ITGA2: variants seen among roughly 807,000 people sequenced by gnomAD.
ITGA2 encodes the protein integrin subunit alpha 2.
ITGA2 carries 101 observed loss-of-function variants against 146.3 expected under a neutral mutation model. The observed-to-expected ratio is 0.69, with a 90% confidence interval of 0.59 to 0.81. The LOEUF (loss-of-function observed/expected upper bound fraction) is 0.81. ITGA2 is among the 40% of genes least tolerant of loss of function. The probability of loss-of-function intolerance (pLI) is 0.00; values close to 1 mark genes in which losing one functional copy is unlikely to be tolerated. For missense variants in ITGA2, 1,281 were observed against 1,402.7 expected (o/e 0.91, Z 1.39); for synonymous variants, 477 against 487.1 (o/e 0.98, Z 0.27).
At chr5:53,029,611 G>A (rs1207283613) in intron 2 of ITGA2, among the ~76,000 whole-genome samples, 1 of 152,158 alleles carries the variant, frequency 6.6e-6, no homozygotes, top group Non-Finnish European at 1.5e-5. Flanking sequence ...AGTCACTCCA[G>A]CCTTACAGGT....
At chr5:53,063,121 T>G (rs1016499746) in intron 13 of ITGA2, among the ~76,000 whole-genome samples, 192 bp downstream of exon 13, 18 of 151,892 alleles carry the variant, frequency 1.2e-4, no homozygotes, top group African/African-American at 4.3e-4. Flanking sequence ...AAACTAGAGT[T>G]GAATGTATAG....
intron 2 of ITGA2, among the ~76,000 whole-genome samples, chr5:53,033,223 C>G (rs915065127): frequency 6.6e-6 from 1 of 152,004 alleles, no homozygotes; most frequent in Non-Finnish European, 1.5e-5. Context: ...GAGCTGAGAT[C>G]ATACCACTGC....
intron 10 of ITGA2, among the ~76,000 whole-genome samples, chr5:53,059,251 C>T (rs952939405): frequency 3.9e-5 from 6 of 151,904 alleles, no homozygotes; most frequent in African/African-American, 1.2e-4. Context: ...GGTTATTTTC[C>T]TTCCAATAGA....
rs368976329 is a variant in ITGA2 at position 53,036,291 on chromosome 5, TA to T, written c.186-5820del. ...AACAGTGTGGCCTTCAAAATTCTTC[TA>T]CAATATGTCAGATCACATCATGCTG... On this transcript the variant is annotated intron_variant, in intron 2 of 29. Coordinates refer to ENST00000296585, the MANE Select transcript of ITGA2 (RefSeq NM_002203.4). 9.7e-4 allele frequency among the ~76,000 whole-genome samples: 147 copies of T among 152,308 alleles called. 1 individual carries two copies. The highest frequency in any genetic ancestry group is 3.4e-3 in the African/African-American group (141 of 41,564).
At position 52,989,428 on chromosome 5, in the gene ITGA2, T is replaced by A; in HGVS notation, c.-41T>A. The A allele has an allele frequency of 6.2e-7, 1 of 1,611,180 alleles. No homozygotes were observed. Among genetic ancestry groups the A allele is most frequent in the Non-Finnish European group, 8.5e-7 (1 of 1,177,300 alleles). On this transcript the variant is annotated 5_prime_UTR_variant, in exon 1 of 30. Coordinates refer to ENST00000296585, the MANE Select transcript of ITGA2 (RefSeq NM_002203.4). Reference sequence around the variant, plus strand: ...GCCAAGGGTATCCTCTGCAAACCTCTGCAAACCCAGCGCAACTACGGTCCC... The same window carrying A: ...GCCAAGGGTATCCTCTGCAAACCTCAGCAAACCCAGCGCAACTACGGTCCC...
chr5:53,091,099 T>G lies in ITGA2; in HGVS notation c.*500T>G. On this transcript the variant is annotated 3_prime_UTR_variant, in exon 30 of 30. Transcript: ENST00000296585. ...CAAGAGGGGAAAACAAAACACAGGTTTTTTCAATTTATGCTGCTCATCCAA... is the reference window on the plus strand; with the variant it reads ...CAAGAGGGGAAAACAAAACACAGGTGTTTTCAATTTATGCTGCTCATCCAA... The G allele has an allele frequency of 4.8e-6, 1 of 206,490 alleles. No homozygotes were observed. The highest frequency in any genetic ancestry group is 1.6e-4 in the South Asian group (1 of 6,358). The allele number at this position is 206,490 out of a possible 1,614,324, so 12.8% of individuals were successfully genotyped here.
At chr5:52,998,639 T>G (rs1469502272) in intron 1 of ITGA2, among the ~76,000 whole-genome samples, 1 of 152,152 alleles carries the variant, frequency 6.6e-6, no homozygotes, top group African/African-American at 2.4e-5. Flanking sequence ...TCTAATTCAA[T>G]TTAGGTATCA....
At chr5:53,056,247 T>C (rs373335943) in intron 9 of ITGA2, 98 bp downstream of exon 9, 2 of 1,064,090 alleles carry the variant, frequency 1.9e-6, no homozygotes, top group East Asian at 2.5e-5. Flanking sequence ...TTGTATACCA[T>C]GTATAAAAAG....
intron 8 of ITGA2, 92 bp downstream of exon 8, chr5:53,055,780 G>T (rs1163317363): frequency 6.9e-7 from 1 of 1,450,360 alleles, no homozygotes; most frequent in Non-Finnish European, 9.7e-7. Context: ...CCCATTGGCT[G>T]TTCATAGTTG....
intron 20 of ITGA2, among the ~76,000 whole-genome samples, chr5:53,073,815 C>T (rs1336628142): frequency 1.3e-5 from 2 of 151,610 alleles, no homozygotes; most frequent in Non-Finnish European, 2.9e-5. Context: ...ACAATGATTT[C>T]ATTTAATTTA....
intron 20 of ITGA2, among the ~76,000 whole-genome samples, chr5:53,073,691 C>A (rs1745509551): frequency 6.6e-6 from 1 of 151,848 alleles, no homozygotes; most frequent in Admixed American, 6.6e-5. Context: ...ATACCAGGAG[C>A]ACACTTGACT....
At chr5:53,064,069 A>G (rs1745029718) in intron 13 of ITGA2, among the ~76,000 whole-genome samples, 1 of 151,956 alleles carries the variant, frequency 6.6e-6, no homozygotes, top group Admixed American at 6.6e-5. Flanking sequence ...TGTGTTTTAC[A>G]AGGAAACGTC....
intron 4 of ITGA2, among the ~76,000 whole-genome samples, chr5:53,046,194 C>CAAAA (rs58926174): frequency 5.0e-5 from 5 of 99,064 alleles, no homozygotes; most frequent in Non-Finnish European, 7.9e-5. Flanking sequence ...GACTCTGTCT[C>CAAAA]AAAAAAAAAA....
intron 1 of ITGA2, among the ~76,000 whole-genome samples, chr5:52,989,814 G>GCGCACACACACA (rs1554050585): frequency 6.9e-6 from 1 of 145,868 alleles, no homozygotes; most frequent in Non-Finnish European, 1.5e-5. Flanking sequence ...GTACACACAC[G>GCGCACACACACA]CACACACACA....
At chr5:53,012,350 G>T (rs1303569668) in intron 1 of ITGA2, among the ~76,000 whole-genome samples, 1 of 152,110 alleles carries the variant, frequency 6.6e-6, no homozygotes, top group Non-Finnish European at 1.5e-5. Flanking sequence ...CCAAATGGTG[G>T]CTTGGATTGA....
At chr5:53,089,854 A>G in intron 28 of ITGA2, 92 bp from the exon 29 acceptor site, 1 of 802,914 alleles carries the variant, frequency 1.2e-6, no homozygotes, top group Non-Finnish European at 2.3e-6. Context: ...AGAGCTGTAG[A>G]CCTTCACTTA....
chr5:53,080,402 TCA>T (rs1239881853), intron 24 of ITGA2, 107 bp from the exon 25 acceptor site: 2 of 825,550 alleles, frequency 2.4e-6, no homozygotes, highest in East Asian at 4.9e-5. Context: ...TCATTTGGAC[TCA>T]GTCTTACCAC....
At chr5:53,042,003 A>G (rs746923090) in intron 2 of ITGA2, 109 bp from the exon 3 acceptor site, 3 of 768,814 alleles carry the variant, frequency 3.9e-6, no homozygotes, top group Non-Finnish European at 7.0e-6. Flanking sequence ...GAACAAATAT[A>G]AACTGTTCAC....
At chr5:53,090,172 G>A in intron 29 of ITGA2, 110 bp downstream of exon 29, 5 of 752,884 alleles carry the variant, frequency 6.6e-6, no homozygotes, top group Non-Finnish European at 9.4e-6. Context: ...ATCACAAGGA[G>A]AAAAGAAATG....
Sources: allele counts gnomAD v4.1 joint callset (sites outside exome capture counted in the v4.1 genomes callset), GRCh38; gene constraint gnomAD v4.1.1; transcripts MANE v1.5; gene names NCBI Gene and HGNC (gene_info 2026-07-23, HGNC 2026-07-21).